The following ELMO1 variants were observed in gnomAD, a reference collection of about 807,000 sequenced individuals.
ELMO1 encodes engulfment and cell motility 1, also known as engulfment and cell motility protein 1.
A neutral mutation model predicts 98.9 loss-of-function variants in ELMO1; 26 were observed. The observed-to-expected ratio is 0.26, with a 90% confidence interval of 0.19 to 0.36. ELMO1 has a LOEUF of 0.36. ELMO1 is among the 10% of genes least tolerant of loss of function. The probability of loss-of-function intolerance (pLI) is 1.00; values close to 1 mark genes in which losing one functional copy is unlikely to be tolerated. For synonymous variants in ELMO1, 346 were observed against 346.0 expected, an observed-to-expected ratio of 1.00 and a Z score of 0.00; for missense variants, 627 against 935.2, an observed-to-expected ratio of 0.67 and a Z score of 4.30.
intron 16 of ELMO1, among the ~76,000 whole-genome samples, chr7:36,990,975 C>A (rs542804370): frequency 6.6e-6 from 1 of 152,248 alleles, no homozygotes; most frequent in South Asian, 2.1e-4. Flanking sequence ...CACTTATACC[C>A]ATTCCTTTCA....
chr7:37,018,324 C>T (rs762246748), intron 15 of ELMO1, among the ~76,000 whole-genome samples: 2 of 151,790 alleles, frequency 1.3e-5, no homozygotes, highest in African/African-American at 2.4e-5. Flanking sequence ...CAGGGTTTCT[C>T]CATGCTGGTC....
chr7:37,136,594 T>C (rs1692876418), intron 13 of ELMO1, among the ~76,000 whole-genome samples: 1 of 152,124 alleles, frequency 6.6e-6, no homozygotes, highest in Non-Finnish European at 1.5e-5. Flanking sequence ...AAAACAATTA[T>C]CGGCCAAGAA....
At chr7:37,018,471 G>T (rs1794078187) in intron 15 of ELMO1, among the ~76,000 whole-genome samples, 1 of 151,788 alleles carries the variant, frequency 6.6e-6, no homozygotes, top group South Asian at 2.1e-4. Flanking sequence ...TTAGTAAATG[G>T]TAGCTATTAG....
intron 13 of ELMO1, among the ~76,000 whole-genome samples, chr7:37,141,746 T>C (rs1209131041): frequency 1.3e-5 from 2 of 152,192 alleles, no homozygotes; most frequent in African/African-American, 4.8e-5. Flanking sequence ...AGGGCAATTT[T>C]GGTTAAAGGC....
intron 14 of ELMO1, among the ~76,000 whole-genome samples, chr7:37,108,370 T>G (rs1193565894): frequency 6.6e-6 from 1 of 152,120 alleles, no homozygotes; most frequent in Non-Finnish European, 1.5e-5. Flanking sequence ...ATTTTCCCTC[T>G]CCTTCAGACC....
At chr7:37,440,816 G>T (rs1282235287) in intron 1 of ELMO1, among the ~76,000 whole-genome samples, 2 of 151,604 alleles carry the variant, frequency 1.3e-5, no homozygotes, top group Non-Finnish European at 2.9e-5. Flanking sequence ...AGAGTTGGAG[G>T]GGTGGACGGG....
At chr7:37,262,691 A>G (rs1017546295) in intron 5 of ELMO1, among the ~76,000 whole-genome samples, 2 of 152,174 alleles carry the variant, frequency 1.3e-5, no homozygotes, top group African/African-American at 4.8e-5. Flanking sequence ...ACTGGAGGAG[A>G]CACATCACTA....
chr7:36,956,115 C>A (rs185529715), intron 16 of ELMO1, among the ~76,000 whole-genome samples: 3 of 152,184 alleles, frequency 2.0e-5, no homozygotes, highest in African/African-American at 7.2e-5. Context: ...TTTCTGAGAG[C>A]CTTTTCTTGT....
At chr7:36,964,999 G>A (rs1789290585) in intron 16 of ELMO1, among the ~76,000 whole-genome samples, 1 of 152,080 alleles carries the variant, frequency 6.6e-6, no homozygotes, top group Non-Finnish European at 1.5e-5. Flanking sequence ...CCCCCATCCA[G>A]GATGGGCTCT....
At chr7:37,324,537 C>T (rs1167249726) in intron 2 of ELMO1, among the ~76,000 whole-genome samples, 3 of 152,140 alleles carry the variant, frequency 2.0e-5, no homozygotes, top group East Asian at 1.9e-4. Context: ...TTATTGACTA[C>T]GTGTTTTTCT....
chr7:37,045,792 C>A (rs1795764820), intron 15 of ELMO1, among the ~76,000 whole-genome samples: 1 of 152,202 alleles, frequency 6.6e-6, no homozygotes, highest in Non-Finnish European at 1.5e-5. Context: ...TGGAAAGTAT[C>A]TTTCATGCAA....
At chr7:37,084,667 C>T (rs779466794) in intron 15 of ELMO1, among the ~76,000 whole-genome samples, 15 of 152,000 alleles carry the variant, frequency 9.9e-5, no homozygotes, top group Admixed American at 9.8e-4. Context: ...ACAGAGGTAA[C>T]GTGTGCTTAT....
intron 19 of ELMO1, among the ~76,000 whole-genome samples, chr7:36,874,157 A>G (rs745354037): frequency 1.3e-5 from 2 of 152,206 alleles, no homozygotes. Context: ...GAGAGCCTCA[A>G]CTTCCTTGTC....
At chr7:37,304,519 C>T (rs191383447) in intron 4 of ELMO1, among the ~76,000 whole-genome samples, 2 of 152,180 alleles carry the variant, frequency 1.3e-5, no homozygotes, top group Non-Finnish European at 2.9e-5. Flanking sequence ...AGTTCAAGAC[C>T]AGCCTGACCA....
intron 15 of ELMO1, among the ~76,000 whole-genome samples, chr7:37,018,840 T>C (rs952296921): frequency 1.3e-5 from 2 of 152,202 alleles, no homozygotes; most frequent in Non-Finnish European, 2.9e-5. Context: ...AGTTACTATT[T>C]TTAATCATCA....
At chr7:36,876,704 G>C (rs187384134) in intron 19 of ELMO1, among the ~76,000 whole-genome samples, 1 of 152,156 alleles carries the variant, frequency 6.6e-6, no homozygotes, top group African/African-American at 2.4e-5. Flanking sequence ...TGGCCAAGGT[G>C]GGGTGGGGAA....
At chr7:37,261,080 A>G (rs1374770955) in intron 5 of ELMO1, among the ~76,000 whole-genome samples, 1 of 152,230 alleles carries the variant, frequency 6.6e-6, no homozygotes, top group African/African-American at 2.4e-5. Flanking sequence ...TTTCATTGTC[A>G]TTATTAATGC....
rs2129044872 is a variant in ELMO1, at chr7:36,878,002, C to T, written c.1822+8G>A. 4 of 1,609,670 alleles carry T rather than the reference C, an allele frequency of 2.5e-6. No individual in the cohort carries two copies. The highest frequency in any genetic ancestry group is 3.4e-6 in the Non-Finnish European group (4 of 1,176,284). ...CCACTCAGGCCTCTGCCAAGGAGAG[C>T]TACTTACGTTTGTCCTGCAAGGAAT... On this transcript the variant is annotated splice_region_variant and intron_variant, in intron 19 of 21. Transcript: ENST00000310758.
chr7:37,151,672 A>G (rs1203807571), intron 13 of ELMO1, among the ~76,000 whole-genome samples: 1 of 152,202 alleles, frequency 6.6e-6, no homozygotes, highest in Non-Finnish European at 1.5e-5. Context: ...TGGAGAACAT[A>G]TTGGAAATAA....
Sources: gnomAD v4.1 joint callset for allele counts (sites outside exome capture counted in the v4.1 genomes callset) on GRCh38, gnomAD v4.1.1 for gene constraint, MANE v1.5 for transcripts, NCBI Gene and HGNC (gene_info 2026-07-23, HGNC 2026-07-21) for gene names.